Variants in DSCAML1 observed in about 807,000 individuals in gnomAD.
DSCAML1 encodes the protein cell adhesion molecule DSCAML1.
In DSCAML1, 38 loss-of-function variants were observed where a neutral mutation model predicts 200.5. The ratio of observed to expected loss-of-function variants is 0.19; its 90% CI spans 0.15 to 0.25. The LOEUF is 0.25. Ranked by LOEUF, DSCAML1 falls within the 10% of genes least tolerant of loss-of-function variation. The probability of loss-of-function intolerance (pLI) is 1.00; values close to 1 mark genes in which losing one functional copy is unlikely to be tolerated. For missense variants in DSCAML1, 2,223 were observed against 2,858.8 expected (o/e 0.78, Z 5.07); for synonymous variants, 1,215 against 1,165.0 (o/e 1.04, Z -0.87).
Position 117,780,559 on chromosome 11 carries a change from C to G in DSCAML1, c.298G>C (p.Asp100His). The change falls in exon 2 of 33, where the codon GAC becomes CAC. Residue 100 changes from aspartate (D) to histidine (H), a missense_variant. Asp to His is a moderately conservative substitution (Grantham distance 81). Transcript: ENST00000651296. This position sits in a 1 kb window ranked among gnomAD's most constrained non-coding sequence, Gnocchi z 4.8. ...GCGTTCTCCGCGGTGCAGAAGTAGT[C>G]ATTGTCGTGGATAAAGCTATTGAAG... The part of the protein sequence containing the change: ...SAFNSFIHDN[D>H]YFCTAENAAG... The G allele has an allele frequency of 6.5e-7, 1 of 1,547,714 alleles. No individual in the cohort carries two copies. Among genetic ancestry groups the G allele is most frequent in the Non-Finnish European group, 8.7e-7 (1 of 1,144,274 alleles).
At chr11:117,519,139 G>C in intron 6 of DSCAML1, among the ~76,000 whole-genome samples, 1 of 152,214 alleles carries the variant, frequency 6.6e-6, no homozygotes, top group East Asian at 1.9e-4. Context: ...ACAGCGCTTT[G>C]TAATTTCTTG....
chr11:117,574,482 GGCCTCTGCCAGAGA>G (rs1401835487), intron 3 of DSCAML1, among the ~76,000 whole-genome samples: 2 of 152,284 alleles, frequency 1.3e-5, no homozygotes, highest in African/African-American at 4.8e-5. Context: ...TCTGCTCTTA[GGCCTCTGCCAGAGA>G]GCCATGGGTT....
chr11:117,436,536 GTGTATGTGT>G (rs2047920029), intron 26 of DSCAML1, among the ~76,000 whole-genome samples: 2 of 152,076 alleles, frequency 1.3e-5, no homozygotes, highest in Non-Finnish European at 2.9e-5. Context: ...GTGTATGTGT[GTGTATGTGT>G]GCACGTGTGT....
intron 16 of DSCAML1, among the ~76,000 whole-genome samples, chr11:117,465,557 T>C (rs554091384): frequency 6.2e-4 from 95 of 152,320 alleles, no homozygotes; most frequent in African/African-American, 2.1e-3. Flanking sequence ...TCCTTATTTT[T>C]CTTCCCGGTT....
At chr11:117,685,167 G>A (rs1234149578) in intron 3 of DSCAML1, among the ~76,000 whole-genome samples, 2 of 152,234 alleles carry the variant, frequency 1.3e-5, no homozygotes, top group Non-Finnish European at 2.9e-5. Context: ...GTGGGCGATA[G>A]ACTTGTGAGG....
chr11:117,754,986 C>T (rs1442760916), intron 3 of DSCAML1, among the ~76,000 whole-genome samples: 1 of 152,160 alleles, frequency 6.6e-6, no homozygotes, highest in Non-Finnish European at 1.5e-5. Context: ...ACCCCGGCCA[C>T]AGACAACCTT....
chr11:117,438,797 C>A (rs2047976468), intron 24 of DSCAML1, 88 bp downstream of exon 24: 2 of 1,206,980 alleles, frequency 1.7e-6, no homozygotes, highest in South Asian at 1.9e-5. Context: ...CATTTGGAGA[C>A]AAATGGCAGA....
chr11:117,465,055 T>A lies in DSCAML1; in HGVS notation c.3152A>T (p.Tyr1051Phe), dbSNP rs1592619028. ...EMKATGDSEV[Y>F]TLDNLKKFAQ... ...GAACTTCTTGAGGTTGTCCAGGGTG[T>A]AGACCTCGCTGTCCCCCGTGGCCTT... Residue 1051 changes from tyrosine to phenylalanine, a missense_variant, in exon 17 of 33, where the codon TAC (tyrosine) becomes TTC (phenylalanine). Around this residue, in one of 7 missense-constraint regions of DSCAML1, gnomAD observed 438 missense variants for 629.7 expected, o/e 0.70. Transcript: ENST00000651296. The A allele has an allele frequency of 6.2e-7, 1 of 1,614,138 alleles. No individual in the cohort carries two copies. Among genetic ancestry groups the A allele is most frequent in the Non-Finnish European group, 8.5e-7 (1 of 1,180,022 alleles).
rs66966642 is a variant in DSCAML1 at position 117,650,667 on chromosome 11, C to CTGTGTGTGTG, written c.512-118155_512-118146dup. ...TTCTGTTTAAAGTGTGTGTGTCTAT[C>CTGTGTGTGTG]TGTGTGTGTGTGTGTGTGTGTGTGT... On this transcript the variant is annotated intron_variant, in intron 3 of 32. Coordinates refer to ENST00000651296, the MANE Select transcript of DSCAML1 (RefSeq NM_020693.4). 9.9e-3 allele frequency among the ~76,000 whole-genome samples: 1,418 copies of CTGTGTGTGTG among 143,516 alleles called. 13 individuals are homozygous for CTGTGTGTGTG. Among genetic ancestry groups the CTGTGTGTGTG allele is most frequent in the African/African-American group, 0.021 (828 of 38,570 alleles). The allele number at this position is 143,516 out of a possible 152,430, so 94.2% of individuals were successfully genotyped here.
intron 3 of DSCAML1, among the ~76,000 whole-genome samples, chr11:117,599,559 TC>T (rs1245549217): frequency 1.3e-5 from 2 of 152,178 alleles, no homozygotes; most frequent in African/African-American, 4.8e-5. Flanking sequence ...CCCTCTCTGC[TC>T]AGCAGCACCG....
At chr11:117,696,075 C>T (rs1438057043) in intron 3 of DSCAML1, among the ~76,000 whole-genome samples, 4 of 152,090 alleles carry the variant, frequency 2.6e-5, no homozygotes, top group African/African-American at 7.2e-5. Flanking sequence ...GATTTAAACA[C>T]GGTGAAAGCT....
In DSCAML1 at chr11:117,780,351, C is replaced by T. The variant is rs571482571; in HGVS notation, c.364+142G>A. ...GTCTCTTATGCCTATGGACACACAGCAAGTGGTACAACAAAGATTCAAAAG... is the reference window on the plus strand; with the variant it reads ...GTCTCTTATGCCTATGGACACACAGTAAGTGGTACAACAAAGATTCAAAAG... On this transcript the variant is annotated intron_variant, in intron 2 of 32. Transcript: ENST00000651296. The surrounding 1 kb of genome is among the most constrained non-coding windows in gnomAD (Gnocchi z 4.8). The T allele has an allele frequency of 1.0e-4, 57 of 564,002 alleles. No homozygotes were observed. The highest frequency in any genetic ancestry group is 9.8e-4 in the African/African-American group (51 of 51,858). 34.9% of individuals were successfully genotyped at this position (564,002 alleles called of 1,614,324 possible).
Position 117,438,929 on chromosome 11 carries a change from G to A in DSCAML1, c.4199C>T (p.Thr1400Ile). 1 of 1,609,830 alleles carries A rather than the reference G, an allele frequency of 6.2e-7. No homozygotes were observed. Among genetic ancestry groups the A allele is most frequent in the Non-Finnish European group, 8.5e-7 (1 of 1,178,348 alleles). Residue 1400 changes from threonine (T) to isoleucine (I), a missense_variant, in exon 24 of 33, where the codon ACC becomes ATC. By Grantham distance (89) the Thr-to-Ile change is moderately conservative. Transcript: ENST00000651296. Reference protein sequence around the residue: ...TVSKTSASSITLTWIPGDNGG... With the variant: ...TVSKTSASSIILTWIPGDNGG... ...ATTGTCACCTGGAATCCAGGTCAGG[G>A]TGATGGACGAAGCTGAGGTTTTGGA...
At chr11:117,670,617 T>G (rs1173809482) in intron 3 of DSCAML1, among the ~76,000 whole-genome samples, 1 of 152,138 alleles carries the variant, frequency 6.6e-6, no homozygotes, top group Non-Finnish European at 1.5e-5. Context: ...CAGCTGAGGC[T>G]ATTGTCAGAG....
intron 3 of DSCAML1, among the ~76,000 whole-genome samples, chr11:117,566,198 A>G (rs1009475093): frequency 1.3e-5 from 2 of 152,218 alleles, no homozygotes; most frequent in African/African-American, 4.8e-5. Flanking sequence ...GTACAAAATT[A>G]GAGAGCTGGT....
intron 1 of DSCAML1, among the ~76,000 whole-genome samples, chr11:117,789,540 G>A (rs1206154762): frequency 2.6e-5 from 4 of 152,162 alleles, no homozygotes; most frequent in African/African-American, 9.7e-5. Context: ...TGTCTCCAGT[G>A]TTCTCTCAGT....
In DSCAML1 at chr11:117,439,894, G is replaced by A. The variant is rs1401216034; in HGVS notation, c.3905C>T (p.Pro1302Leu). 6.2e-7 allele frequency: 1 copy of A among 1,614,082 alleles called. No individual in the cohort carries two copies. Among genetic ancestry groups the A allele is most frequent in the East Asian group, 2.2e-5 (1 of 44,896 alleles). The change falls in exon 22 of 33, where the codon CCT becomes CTT. Residue 1302 changes from proline (P) to leucine (L), a missense_variant. Pro to Leu is a moderately conservative substitution (Grantham distance 98, BLOSUM62 -3). Coordinates refer to ENST00000651296, the MANE Select transcript of DSCAML1 (RefSeq NM_020693.4). ...AGGCAGCCGAACATCTTTCATCCAA[G>A]GTGTTGTCACGGTGCCCCCAAAGGA... ...IISFGGTVTT[P>L]WMKDVRLPCN...
chr11:117,492,459 A>G (rs934317551), intron 11 of DSCAML1, among the ~76,000 whole-genome samples: 1 of 152,190 alleles, frequency 6.6e-6, no homozygotes, highest in Non-Finnish European at 1.5e-5. Flanking sequence ...AAGCCTCTCA[A>G]GGGCTCTGTG....
chr11:117,439,325 G>A lies in DSCAML1; in HGVS notation c.4085C>T (p.Thr1362Met), dbSNP rs371160810. The change falls in exon 23 of 33, where the codon ACG becomes ATG. Residue 1362 changes from threonine (T) to methionine (M), a missense_variant. This residue lies in a region of DSCAML1 where 614 missense variants were observed against 739.1 expected (regional missense o/e 0.83). Coordinates refer to ENST00000651296, the MANE Select transcript of DSCAML1 (RefSeq NM_020693.4). ...AVKAEDSGYY[T>M]CTATNTGGFD... ...GCCACCAGTGTTGGTGGCCGTGCAC[G>A]TGTAGTAGCCAGAGTCCTCAGCCTT... The A allele has an allele frequency of 2.5e-5, 40 of 1,613,982 alleles. No individual in the cohort carries two copies. The Admixed American group carries it at 3.0e-4, about 12-fold the overall frequency.
Sources: gnomAD v4.1 joint callset for allele counts (sites outside exome capture counted in the v4.1 genomes callset) on GRCh38, gnomAD v4.1.1 for gene constraint, gnomAD v4.1.1 regional missense constraint, Gnocchi (gnomAD v3.1) non-coding constraint, MANE v1.5 for transcripts, NCBI Gene and HGNC (gene_info 2026-07-23, HGNC 2026-07-21) for gene names.